Variants in MDGA2 observed in about 807,000 individuals in gnomAD.
The protein encoded by MDGA2 is MAM domain containing glycosylphosphatidylinositol anchor 2, also known as MAM domain-containing glycosylphosphatidylinositol anchor protein 2.
MDGA2 carries 40 observed loss-of-function variants against 117.8 expected under a neutral mutation model. The observed-to-expected ratio is 0.34, with a 90% CI of 0.26 to 0.44. The LOEUF (loss-of-function observed/expected upper bound fraction) is 0.44, where lower values mean the gene tolerates loss of function less well. MDGA2 is among the 20% of genes least tolerant of loss of function. The probability of loss-of-function intolerance (pLI) is 1.00; values close to 1 mark genes in which losing one functional copy is unlikely to be tolerated. For missense variants in MDGA2, 1,123 were observed against 1,250.6 expected (o/e 0.90, Z 1.54); for synonymous variants, 452 against 439.0 (o/e 1.03, Z -0.37).
intron 1 of MDGA2, among the ~76,000 whole-genome samples, chr14:47,523,386 TATTTTA>T (rs1394672023): frequency 1.3e-5 from 2 of 152,200 alleles, no homozygotes; most frequent in African/African-American, 2.4e-5. Flanking sequence ...TATTATCTAT[TATTTTA>T]ATTTTAATTT....
rs1884859870 is a variant in MDGA2 at position 46,938,355 on chromosome 14, A to C, written c.2090-18195T>G. Among the ~76,000 whole-genome samples, 3 of 151,704 alleles carry C rather than the reference A, an allele frequency of 2.0e-5. No homozygotes were observed. In the South Asian group the frequency reaches 6.3e-4, roughly 32 times the overall value. ...GGAGTTCAAGACCAGCCTGACCAAC[A>C]TGGTAAAACCCCTTCTCTACTAAAA... On this transcript the variant is annotated intron_variant, in intron 9 of 16. Transcript: ENST00000399232.
intron 3 of MDGA2, among the ~76,000 whole-genome samples, chr14:47,208,048 A>G (rs570862439): frequency 2.0e-5 from 3 of 152,146 alleles, no homozygotes; most frequent in South Asian, 4.1e-4. Context: ...ATTTCCTTCA[A>G]TTGTCAAAGG....
intron 1 of MDGA2, among the ~76,000 whole-genome samples, chr14:47,507,199 G>C (rs767366995): frequency 3.9e-5 from 6 of 152,042 alleles, no homozygotes; most frequent in Non-Finnish European, 8.8e-5. Context: ...GTAGAATCAT[G>C]GTTATAACAA....
intron 1 of MDGA2, among the ~76,000 whole-genome samples, chr14:47,649,025 A>C (rs1897588702): frequency 6.6e-6 from 1 of 152,174 alleles, no homozygotes. Context: ...TACCTAGAGG[A>C]AATAATTATT....
chr14:47,294,342 T>C (rs1324276275), intron 2 of MDGA2, among the ~76,000 whole-genome samples: 1 of 152,016 alleles, frequency 6.6e-6, no homozygotes, highest in African/African-American at 2.4e-5. Context: ...AGCAATCTGC[T>C]GACCTCGGGC....
At chr14:47,494,545 C>T (rs1430092170) in intron 1 of MDGA2, among the ~76,000 whole-genome samples, 1 of 151,846 alleles carries the variant, frequency 6.6e-6, no homozygotes, top group African/African-American at 2.4e-5. Flanking sequence ...TAATTAAGTC[C>T]CATTTGTTTT....
chr14:46,857,973 T>A (rs1881340103), intron 14 of MDGA2, among the ~76,000 whole-genome samples: 1 of 152,008 alleles, frequency 6.6e-6, no homozygotes, highest in Non-Finnish European at 1.5e-5. Flanking sequence ...CTAACAATAT[T>A]TTCTGCCACA....
At chr14:47,478,806 A>G (rs1442576878) in intron 1 of MDGA2, among the ~76,000 whole-genome samples, 1 of 152,222 alleles carries the variant, frequency 6.6e-6, no homozygotes, top group Non-Finnish European at 1.5e-5. Flanking sequence ...TGTTTGACCA[A>G]TGGATGACAG....
chr14:47,557,104 G>T (rs185207646), intron 1 of MDGA2, among the ~76,000 whole-genome samples: 4 of 152,268 alleles, frequency 2.6e-5, no homozygotes, highest in Non-Finnish European at 5.9e-5. Context: ...AGGGCGCATA[G>T]TTCATTTTAT....
intron 1 of MDGA2, among the ~76,000 whole-genome samples, chr14:47,581,348 T>A (rs1192020691): frequency 1.3e-5 from 2 of 151,994 alleles, no homozygotes; most frequent in African/African-American, 4.8e-5. Context: ...CAAGCTCTGG[T>A]AAAGGATGAC....
rs562606503 is a variant in MDGA2 at position 46,999,020 on chromosome 14, T to C, written c.1819+35991A>G. 8.5e-5 allele frequency among the ~76,000 whole-genome samples: 13 copies of C among 152,144 alleles called. No homozygotes were observed. The South Asian group carries it at 2.3e-3, about 27-fold the overall frequency. On this transcript the variant is annotated intron_variant, in intron 8 of 16. Transcript: ENST00000399232. ...TTGTCAATAAAATGATAAAGTGAAA[T>C]AGAAATGCAGAATGGAATACAGTAG...
chr14:47,164,308 C>A (rs1324366038), intron 3 of MDGA2, among the ~76,000 whole-genome samples: 1 of 152,108 alleles, frequency 6.6e-6, no homozygotes, highest in Non-Finnish European at 1.5e-5. Context: ...GAGTCAATCA[C>A]AAGAACAGTC....
At chr14:47,010,835 C>G (rs1288088184) in intron 8 of MDGA2, among the ~76,000 whole-genome samples, 2 of 152,104 alleles carry the variant, frequency 1.3e-5, no homozygotes, top group Admixed American at 1.3e-4. Flanking sequence ...GTCTAGCTTC[C>G]TTTTGTTAAC....
At chr14:46,918,854 C>A (rs1884008841) in intron 10 of MDGA2, among the ~76,000 whole-genome samples, 1 of 150,842 alleles carries the variant, frequency 6.6e-6, no homozygotes, top group Non-Finnish European at 1.5e-5. Flanking sequence ...CTCCGCCTCC[C>A]AGGTTCACGC....
chr14:47,460,274 T>C (rs919881638), intron 1 of MDGA2, among the ~76,000 whole-genome samples: 2 of 152,114 alleles, frequency 1.3e-5, no homozygotes, highest in African/African-American at 4.8e-5. Flanking sequence ...TAAATACTTT[T>C]CCTGCTCTGC....
intron 1 of MDGA2, among the ~76,000 whole-genome samples, chr14:47,523,494 C>T (rs1426909042): frequency 2.6e-5 from 4 of 151,980 alleles, no homozygotes; most frequent in African/African-American, 9.7e-5. Flanking sequence ...AAAGTGATGA[C>T]AAAGAGACTG....
chr14:47,117,110 C>T (rs947992393), intron 5 of MDGA2, among the ~76,000 whole-genome samples: 1 of 152,088 alleles, frequency 6.6e-6, no homozygotes, highest in African/African-American at 2.4e-5. Context: ...AAGATTTGAA[C>T]AGACATTCTC....
In MDGA2 at chr14:46,957,594, A is replaced by C. The variant is rs770232223; in HGVS notation, c.1869T>G (p.Asp623Glu). 1.9e-6 allele frequency: 3 copies of C among 1,614,160 alleles called. No homozygotes were observed. Among genetic ancestry groups the C allele is most frequent in the Non-Finnish European group, 2.5e-6 (3 of 1,180,008 alleles). ...PAFLEIRQGQ[D>E]RSVTMSCRVL... ...CTCTGCAACTCATAGTGACACTTCG[A>C]TCCTGTCCTTGCCGGATTTCCAAGA... The change falls in exon 9 of 17, where the codon GAT becomes GAG. Residue 623 changes from aspartate to glutamate, a missense_variant. Coordinates refer to ENST00000399232, the MANE Select transcript of MDGA2 (RefSeq NM_001113498.3).
intron 1 of MDGA2, among the ~76,000 whole-genome samples, chr14:47,557,375 C>T (rs28513736): frequency 0.25 from 38,203 of 152,048 alleles, 5,598 homozygotes; most frequent in South Asian, 0.53. Context: ...CATTTTATCT[C>T]TGGGAAAATT....
Sources: allele counts gnomAD v4.1 joint callset (sites outside exome capture counted in the v4.1 genomes callset), GRCh38; gene constraint gnomAD v4.1.1; transcripts MANE v1.5; gene names NCBI Gene and HGNC (gene_info 2026-07-23, HGNC 2026-07-21).